The following EPHA3 variants were observed in gnomAD, a reference collection of about 807,000 sequenced individuals.
EPHA3 encodes the protein EPH receptor A3, also known as ephrin type-A receptor 3.
Under a neutral mutation model 107.1 loss-of-function variants are expected in EPHA3, and 42 were observed. The observed-to-expected ratio is 0.39, with a 90% CI of 0.31 to 0.51. The LOEUF (loss-of-function observed/expected upper bound fraction) is 0.51. Among genes scored for constraint, EPHA3 ranks in the 20% least tolerant of loss-of-function variants. The pLI is 0.78. For missense variants in EPHA3, 1,183 were observed against 1,211.2 expected (o/e 0.98, Z 0.35); for synonymous variants, 461 against 424.8 (o/e 1.09, Z -1.05).
At chr3:89,331,958 T>A (rs1467571324) in intron 3 of EPHA3, among the ~76,000 whole-genome samples, 1 of 152,104 alleles carries the variant, frequency 6.6e-6, no homozygotes, top group Non-Finnish European at 1.5e-5. Context: ...TCAGCACTAT[T>A]CTGAAAAGCT....
intron 2 of EPHA3, among the ~76,000 whole-genome samples, chr3:89,193,209 T>G (rs1382970922): frequency 1.3e-5 from 2 of 152,050 alleles, no homozygotes; most frequent in East Asian, 1.9e-4. Flanking sequence ...AAAAAATGGT[T>G]AATCTGTGAA....
At chr3:89,407,038 C>T (rs1000272420) in intron 7 of EPHA3, among the ~76,000 whole-genome samples, 5 of 152,014 alleles carry the variant, frequency 3.3e-5, no homozygotes, top group Admixed American at 6.6e-5. Context: ...GTCATTGAAA[C>T]AAAGTATGTA....
chr3:89,238,275 T>C (rs1284025429), intron 3 of EPHA3, among the ~76,000 whole-genome samples: 1 of 152,198 alleles, frequency 6.6e-6, no homozygotes, highest in African/African-American at 2.4e-5. Flanking sequence ...CTATTCACTT[T>C]GGTAGTTGGT....
intron 2 of EPHA3, among the ~76,000 whole-genome samples, chr3:89,181,800 T>C (rs186812933): frequency 6.6e-6 from 1 of 152,108 alleles, no homozygotes; most frequent in Non-Finnish European, 1.5e-5. Flanking sequence ...ACAGATTGCA[T>C]GCTCAGAAAG....
chr3:89,183,079 A>T (rs1705481870), intron 2 of EPHA3, among the ~76,000 whole-genome samples: 1 of 151,968 alleles, frequency 6.6e-6, no homozygotes, highest in Non-Finnish European at 1.5e-5. Context: ...CCTTGAAGTC[A>T]GAGTTCCAGT....
At chr3:89,112,642 G>GA (rs369818472) in intron 1 of EPHA3, among the ~76,000 whole-genome samples, 66 of 141,870 alleles carry the variant, frequency 4.7e-4, no homozygotes, top group East Asian at 1.8e-3. Context: ...CAACACAAAT[G>GA]AAAAAAAAAA....
At chr3:89,415,028 C>A (rs1709219718) in intron 10 of EPHA3, among the ~76,000 whole-genome samples, 1 of 151,490 alleles carries the variant, frequency 6.6e-6, no homozygotes, top group Non-Finnish European at 1.5e-5. Context: ...AATAGGTATA[C>A]CTTCAAGGTT....
chr3:89,136,707 T>C (rs1704323635), intron 2 of EPHA3, among the ~76,000 whole-genome samples: 1 of 151,940 alleles, frequency 6.6e-6, no homozygotes, highest in Admixed American at 6.6e-5. Flanking sequence ...CCTCCAGCTT[T>C]ACTCATGAAT....
At chr3:89,120,080 T>G (rs1452126646) in intron 1 of EPHA3, among the ~76,000 whole-genome samples, 2 of 152,154 alleles carry the variant, frequency 1.3e-5, no homozygotes, top group Non-Finnish European at 2.9e-5. Flanking sequence ...ATAGACTGAT[T>G]TTATGGGGTG....
chr3:89,382,752 A>C (rs1444736929), intron 5 of EPHA3, among the ~76,000 whole-genome samples: 1 of 152,282 alleles, frequency 6.6e-6, no homozygotes, highest in South Asian at 2.1e-4. Flanking sequence ...GGATTAGGAC[A>C]GAAGAATATT....
At chr3:89,248,815 C>T (rs1328846007) in intron 3 of EPHA3, among the ~76,000 whole-genome samples, 2 of 152,164 alleles carry the variant, frequency 1.3e-5, no homozygotes, top group African/African-American at 2.4e-5. Flanking sequence ...AATCACTTTG[C>T]TTCTACATAA....
intron 3 of EPHA3, among the ~76,000 whole-genome samples, chr3:89,312,370 T>A (rs1706784342): frequency 6.6e-6 from 1 of 151,814 alleles, no homozygotes; most frequent in African/African-American, 2.4e-5. Flanking sequence ...ATTCTGGTTT[T>A]TTTTTTTTGT....
chr3:89,432,608 G>T (rs1005126213), intron 13 of EPHA3, among the ~76,000 whole-genome samples: 11 of 151,858 alleles, frequency 7.2e-5, no homozygotes, highest in Non-Finnish European at 1.6e-4. Context: ...TATTTCCATG[G>T]TAGAAATTTA....
At chr3:89,249,999 T>A (rs1705124429) in intron 3 of EPHA3, among the ~76,000 whole-genome samples, 1 of 152,172 alleles carries the variant, frequency 6.6e-6, no homozygotes, top group South Asian at 2.1e-4. Context: ...AAATGTTACA[T>A]CACCAGACTT....
At chr3:89,448,525 A>G (rs1019525397) in intron 13 of EPHA3, among the ~76,000 whole-genome samples, 20 of 152,154 alleles carry the variant, frequency 1.3e-4, no homozygotes, top group African/African-American at 4.6e-4. Context: ...TTACACTTTT[A>G]TATCTCCCAT....
At chr3:89,246,162 C>T (rs1225516844) in intron 3 of EPHA3, among the ~76,000 whole-genome samples, 2 of 152,036 alleles carry the variant, frequency 1.3e-5, no homozygotes, top group African/African-American at 4.8e-5. Flanking sequence ...AATTATGCCA[C>T]CTTCTGCATT....
At chr3:89,231,244 CA>C (rs1704626528) in intron 3 of EPHA3, among the ~76,000 whole-genome samples, 1 of 152,046 alleles carries the variant, frequency 6.6e-6, no homozygotes, top group African/African-American at 2.4e-5. Flanking sequence ...ATTTATTATA[CA>C]AAACATTAAT....
rs376136993 is a variant in EPHA3 at position 89,249,572 on chromosome 3, C to T, written c.814+39052C>T. On this transcript the variant is annotated intron_variant, in intron 3 of 16. Coordinates refer to ENST00000336596, the MANE Select transcript of EPHA3 (RefSeq NM_005233.6). Reference sequence around the variant, plus strand: ...ACCTCCTGGGCTCGAGCAATTCCCCCGCCTCAGCCTCCCTAGTAGCTGGGA... The same window carrying T: ...ACCTCCTGGGCTCGAGCAATTCCCCTGCCTCAGCCTCCCTAGTAGCTGGGA... Among the ~76,000 whole-genome samples the T allele has an allele frequency of 1.3e-4, 20 of 152,028 alleles. No homozygotes were observed. In the East Asian group the frequency reaches 1.6e-3, roughly 12 times the overall value.
chr3:89,256,165 C>G (rs1576269041), intron 3 of EPHA3, among the ~76,000 whole-genome samples: 1 of 151,952 alleles, frequency 6.6e-6, no homozygotes, highest in Admixed American at 6.6e-5. Context: ...GCAGGAGAAT[C>G]ACTTGAACCC....
Sources: allele counts gnomAD v4.1 joint callset (sites outside exome capture counted in the v4.1 genomes callset), GRCh38; gene constraint gnomAD v4.1.1; transcripts MANE v1.5; gene names NCBI Gene and HGNC (gene_info 2026-07-23, HGNC 2026-07-21).